MIDEAS: variants seen among roughly 807,000 people sequenced by gnomAD.
The protein encoded by MIDEAS is mitotic deacetylase associated SANT domain protein, also known as mitotic deacetylase-associated SANT domain protein.
A neutral mutation model predicts 102.7 loss-of-function variants in MIDEAS; 26 were observed. The observed-to-expected ratio is 0.25, with a 90% CI of 0.19 to 0.35. MIDEAS has a LOEUF of 0.35. MIDEAS is among the 10% of genes least tolerant of loss of function. The pLI, the probability that MIDEAS is intolerant of heterozygous loss-of-function variation, is 1.00. For missense variants in MIDEAS, 1,231 were observed against 1,435.6 expected, an observed-to-expected ratio of 0.86 and a Z score of 2.30; for synonymous variants, 585 against 591.0, an observed-to-expected ratio of 0.99 and a Z score of 0.15.
In MIDEAS at chr14:73,725,075, G is replaced by A. The variant is rs1178064037; in HGVS notation, c.2574+197C>T. On this transcript the variant is annotated intron_variant, in intron 9 of 12. Coordinates refer to ENST00000423556, the MANE Select transcript of MIDEAS (RefSeq NM_001367710.1). This position sits in a 1 kb window ranked among gnomAD's most constrained non-coding sequence, Gnocchi z 4.1. ...CTTGGCCACCCTACCCTGAAGTGAGGAAAGGATGCTTAGAACCAAAAGGGA... is the reference window on the plus strand; with the variant it reads ...CTTGGCCACCCTACCCTGAAGTGAGAAAAGGATGCTTAGAACCAAAAGGGA... 2 of 516,594 alleles carry A rather than the reference G, an allele frequency of 3.9e-6. No homozygotes were observed. The highest frequency in any genetic ancestry group is 7.1e-6 in the Non-Finnish European group (2 of 282,622). The allele number at this position is 516,594 out of a possible 1,614,324, so 32.0% of individuals were successfully genotyped here. A position where few individuals can be genotyped will look rare whatever the true frequency, so the allele number is the denominator to read the frequency against.
At chr14:73,727,068 G>T in intron 5 of MIDEAS, 96 bp from the exon 6 acceptor site, 1 of 1,439,568 alleles carries the variant, frequency 6.9e-7, no homozygotes, top group Non-Finnish European at 9.4e-7. Flanking sequence ...GGGGGAGCCG[G>T]CAGAGCAAGG....
chr14:73,756,289 T>TGCGCGC (rs1312850557), intron 1 of MIDEAS, among the ~76,000 whole-genome samples: 93 of 127,138 alleles, frequency 7.3e-4, no homozygotes, highest in African/African-American at 2.9e-3. Flanking sequence ...TGTGTGTGTG[T>TGCGCGC]GTGTGTGCGC....
chr14:73,736,308 A>G (rs888608804), intron 3 of MIDEAS, among the ~76,000 whole-genome samples: 16 of 152,052 alleles, frequency 1.1e-4, no homozygotes, highest in South Asian at 4.1e-4. Flanking sequence ...GACAGAACCT[A>G]AAGAAAAAGT....
Position 73,738,632 on chromosome 14 carries a change from C to T in MIDEAS, c.1377G>A (p.Arg459=). ...GVIQSTRRRR[R]ASQEANLLTL... is the part of the protein sequence containing the mutation. ...TCAGCAAATTGGCCTCCTGGGATGC[C>T]CGGCGCCTCCGTCGCGTGCTCTGGA... is the stretch of plus-strand genomic sequence containing the variant. The change falls in exon 2 of 13, where the codon CGG becomes CGA. Residue 459 remains arginine, a synonymous_variant. Transcript: ENST00000423556. 6.2e-7 allele frequency: 1 copy of T among 1,612,824 alleles called. No individual in the cohort carries two copies. The highest frequency in any genetic ancestry group is 1.1e-5 in the South Asian group (1 of 90,902).
chr14:73,774,368 C>T (rs1166874938), intron 1 of MIDEAS, among the ~76,000 whole-genome samples: 2 of 151,892 alleles, frequency 1.3e-5, no homozygotes, highest in Non-Finnish European at 2.9e-5. Flanking sequence ...ACAGCCTGTC[C>T]TGACTGCCTC....
intron 11 of MIDEAS, among the ~76,000 whole-genome samples, chr14:73,720,236 CTTT>C (rs33980532): frequency 2.6e-5 from 3 of 116,724 alleles, no homozygotes; most frequent in Non-Finnish European, 1.7e-5. Flanking sequence ...ACACACATTC[CTTT>C]TTTTTTTTTT....
chr14:73,740,214 G>T lies in MIDEAS; in HGVS notation c.-206C>A. On this transcript the variant is annotated 5_prime_UTR_variant, in exon 2 of 13. In the 5' UTR this introduces an upstream ATG that the reference lacks. Transcript: ENST00000423556. The stretch of plus-strand genomic sequence containing the variant: ...TCTTCCAGAGAGGCTCTGGGGCTCA[G>T]CTACTCTTCCCAGTTCATGATGCTC... The T allele has an allele frequency of 3.8e-6, 2 of 522,984 alleles. No homozygotes were observed. The highest frequency in any genetic ancestry group is 7.9e-5 in the South Asian group (1 of 12,724). 32.4% of individuals were successfully genotyped at this position (522,984 alleles called of 1,614,324 possible).
chr14:73,738,943 G>A lies in MIDEAS; in HGVS notation c.1066C>T (p.Pro356Ser). 2.0e-6 allele frequency: 3 copies of A among 1,527,458 alleles called. No individual in the cohort carries two copies. In the South Asian group the frequency reaches 3.9e-5, roughly 20 times the overall value. The allele number at this position is 1,527,458 out of a possible 1,614,324, so 94.6% of individuals were successfully genotyped here. A position where few individuals can be genotyped will look rare whatever the true frequency, so the allele number is the denominator to read the frequency against. ...CCAGCCCCATCCAGGGCGCTGGGAG[G>A]CAGGATACCCTCCTTAGAGAGGCGG... ...SRRLSKEGILPPSALDGAGTQ... is the reference protein window; with the variant it reads ...SRRLSKEGILSPSALDGAGTQ... The change falls in exon 2 of 13, where the codon CCT becomes TCT. Residue 356 changes from proline (P) to serine (S), a missense_variant. Pro to Ser is a moderately conservative substitution (Grantham distance 74, BLOSUM62 -1). Transcript: ENST00000423556.
At chr14:73,763,343 A>G (rs1267918412), upstream of MIDEAS, among the ~76,000 whole-genome samples, 1 of 152,218 alleles carries the variant, frequency 6.6e-6, no homozygotes, top group Admixed American at 6.5e-5. Flanking sequence ...GTCTCAAGAA[A>G]AAAGAAAATC....
At chr14:73,760,543 G>C (rs11624967), upstream of MIDEAS, among the ~76,000 whole-genome samples, 1 of 152,074 alleles carries the variant, frequency 6.6e-6, no homozygotes, top group Non-Finnish European at 1.5e-5. The surrounding 1 kb of genome is among the most constrained non-coding windows in gnomAD (Gnocchi z 4.8). Context: ...AGGAGGAGAC[G>C]GTGACGAAAT....
intron 1 of MIDEAS, among the ~76,000 whole-genome samples, chr14:73,740,667 G>A (rs2053270846): frequency 1.3e-5 from 2 of 152,198 alleles, no homozygotes; most frequent in Non-Finnish European, 1.5e-5. Flanking sequence ...TCTTACCCAG[G>A]CCCTAGCCCC....
At chr14:73,790,028 G>A (rs1373756452), upstream of MIDEAS, 2 of 152,200 alleles carry the variant, frequency 1.3e-5, no homozygotes, top group Middle Eastern at 3.2e-3. Context: ...TTTTGGTTGG[G>A]GTGGAGGGTC....
chr14:73,758,380 G>C (rs2053511169), intron 1 of MIDEAS, among the ~76,000 whole-genome samples: 2 of 152,182 alleles, frequency 1.3e-5, no homozygotes, highest in Admixed American at 6.5e-5. Flanking sequence ...CCCCTCAGCT[G>C]AGGCCCCCTA....
chr14:73,784,976 T>C (rs1048492187), intron 1 of MIDEAS, among the ~76,000 whole-genome samples: 3 of 152,156 alleles, frequency 2.0e-5, no homozygotes, highest in Non-Finnish European at 4.4e-5. Context: ...GCATTTTTCC[T>C]CCAGGTGAAG....
In MIDEAS at chr14:73,725,265, A is replaced by C. The variant is rs112726996; in HGVS notation, c.2574+7T>G. 1.9e-6 allele frequency: 3 copies of C among 1,613,234 alleles called. No individual in the cohort carries two copies. The highest frequency in any genetic ancestry group is 3.3e-5 in the Admixed American group (2 of 60,016). The stretch of plus-strand genomic sequence containing the variant: ...CCTCATTTGCCCTGAAACAGAGCCC[A>C]GCTCACCAGCTTCTGCACCAGGAAG... On this transcript the variant is annotated splice_region_variant and intron_variant, in intron 9 of 12. Transcript: ENST00000423556. This position sits in a 1 kb window ranked among gnomAD's most constrained non-coding sequence, Gnocchi z 4.1.
intron 3 of MIDEAS, among the ~76,000 whole-genome samples, chr14:73,735,542 T>C (rs1333674943): frequency 6.6e-6 from 1 of 152,202 alleles, no homozygotes; most frequent in Non-Finnish European, 1.5e-5. Context: ...ATATAAACTG[T>C]ATCAATTCTC....
chr14:73,717,221 T>C lies in MIDEAS; in HGVS notation c.*1622A>G, dbSNP rs1224766211. 6.6e-6 allele frequency: 1 copy of C among 152,276 alleles called. No individual in the cohort carries two copies. Among genetic ancestry groups the C allele is most frequent in the African/African-American group, 2.4e-5 (1 of 41,470 alleles). The allele number at this position is 152,276 out of a possible 1,614,324, so 9.4% of individuals were successfully genotyped here. A position where few individuals can be genotyped will look rare whatever the true frequency, so the allele number is the denominator to read the frequency against. ...GTATGAATACTTTCTGGCTCCTTCCTAATACGTTGACCTGTCATACGCGCA... is the reference window on the plus strand; with the variant it reads ...GTATGAATACTTTCTGGCTCCTTCCCAATACGTTGACCTGTCATACGCGCA... On this transcript the variant is annotated 3_prime_UTR_variant, in exon 13 of 13. Coordinates refer to ENST00000423556, the MANE Select transcript of MIDEAS (RefSeq NM_001367710.1).
chr14:73,755,440 T>A (rs2053468268), intron 1 of MIDEAS, among the ~76,000 whole-genome samples: 1 of 152,224 alleles, frequency 6.6e-6, no homozygotes, highest in Admixed American at 6.5e-5. Flanking sequence ...AAAGCAGTCT[T>A]TAAGGAAAAA....
chr14:73,756,627 G>A (rs1595285409), intron 1 of MIDEAS, among the ~76,000 whole-genome samples: 1 of 152,202 alleles, frequency 6.6e-6, no homozygotes, highest in Non-Finnish European at 1.5e-5. Context: ...TGGAGCCCCA[G>A]GCTGCTTCTG....
Sources: gnomAD v4.1 joint callset for allele counts (sites outside exome capture counted in the v4.1 genomes callset) on GRCh38, gnomAD v4.1.1 for gene constraint, Gnocchi (gnomAD v3.1) non-coding constraint, MANE v1.5 for transcripts, NCBI Gene and HGNC (gene_info 2026-07-23, HGNC 2026-07-21) for gene names.